CFAP61: variants seen among roughly 807,000 people sequenced by gnomAD.
The protein encoded by CFAP61 is cilia- and flagella-associated protein 61.
In CFAP61, 107 loss-of-function variants were observed where a neutral mutation model predicts 135.6. That is an observed-to-expected ratio of 0.79 (90% CI 0.67 to 0.93). The LOEUF is 0.93. CFAP61 is among the 40% of genes least tolerant of loss of function. The pLI is 0.00. For synonymous variants in CFAP61, 575 were observed against 578.5 expected (o/e 0.99, Z 0.09); for missense variants, 1,507 against 1,556.2 (o/e 0.97, Z 0.53).
chr20:20,252,720 G>T (rs564443645), intron 20 of CFAP61, among the ~76,000 whole-genome samples: 1 of 152,330 alleles, frequency 6.6e-6, no homozygotes, highest in African/African-American at 2.4e-5. Flanking sequence ...GCCTGTGTAT[G>T]ACAGTTTTCC....
intron 8 of CFAP61, among the ~76,000 whole-genome samples, chr20:20,132,338 T>TTTTTG (rs1188703436): frequency 2.0e-5 from 3 of 152,052 alleles, no homozygotes; most frequent in South Asian, 2.1e-4. Flanking sequence ...ATATCCTCGT[T>TTTTTG]TTTTGTTTTG....
At chr20:20,327,821 G>A (rs1252292029) in intron 25 of CFAP61, among the ~76,000 whole-genome samples, 4 of 112 alleles carry the variant, frequency 0.036, no homozygotes, top group African/African-American at 0.094. Context: ...GAAACAGGAG[G>A]CTTTGAGGTC....
At chr20:20,065,351 A>T (rs2045164004) in intron 2 of CFAP61, among the ~76,000 whole-genome samples, 1 of 151,974 alleles carries the variant, frequency 6.6e-6, no homozygotes, top group Non-Finnish European at 1.5e-5. Flanking sequence ...TATCTCAGTA[A>T]TTCCAGCCTT....
intron 20 of CFAP61, among the ~76,000 whole-genome samples, chr20:20,254,835 G>A (rs1287891430): frequency 6.6e-6 from 1 of 152,204 alleles, no homozygotes; most frequent in Non-Finnish European, 1.5e-5. Context: ...CTAAATTGTT[G>A]TGTAATGTTT....
At chr20:20,120,004 C>G (rs1359330152) in intron 8 of CFAP61, among the ~76,000 whole-genome samples, 1 of 152,150 alleles carries the variant, frequency 6.6e-6, no homozygotes, top group African/African-American at 2.4e-5. Flanking sequence ...TGTCTTTATC[C>G]AGTCTACCAT....
intron 18 of CFAP61, among the ~76,000 whole-genome samples, chr20:20,234,630 G>A (rs745946289): frequency 4.6e-5 from 7 of 152,100 alleles, no homozygotes; most frequent in Non-Finnish European, 7.4e-5. Context: ...AGTAGTTTTC[G>A]AAACATAGTC....
At chr20:20,353,132 C>T (rs565541630) in intron 26 of CFAP61, among the ~76,000 whole-genome samples, 36 of 152,260 alleles carry the variant, frequency 2.4e-4, no homozygotes, top group Admixed American at 7.2e-4. Context: ...AACATCCTTT[C>T]GTTGTAACAT....
intron 13 of CFAP61, among the ~76,000 whole-genome samples, chr20:20,174,228 A>G (rs1434763457): frequency 2.0e-5 from 3 of 152,194 alleles, no homozygotes; most frequent in Non-Finnish European, 2.9e-5. Flanking sequence ...CTGAGCCCTC[A>G]TCAGGAACCC....
chr20:20,305,064 A>G (rs2056386276), intron 25 of CFAP61, among the ~76,000 whole-genome samples: 1 of 152,172 alleles, frequency 6.6e-6, no homozygotes, highest in African/African-American at 2.4e-5. Context: ...ACATCTTAAC[A>G]TGCTCAGCTC....
chr20:20,172,722 C>T (rs1378649792), intron 13 of CFAP61, among the ~76,000 whole-genome samples: 1 of 152,164 alleles, frequency 6.6e-6, no homozygotes, highest in African/African-American at 2.4e-5. Flanking sequence ...CACAGACTCT[C>T]GCATCATGAA....
At chr20:20,074,036 G>A in intron 3 of CFAP61, 1 of 471,366 alleles carries the variant, frequency 2.1e-6, no homozygotes. Context: ...ATTCGTGAGG[G>A]CAGGAGGAAG....
intron 26 of CFAP61, among the ~76,000 whole-genome samples, chr20:20,357,324 T>G (rs1302018278): frequency 6.8e-5 from 1 of 14,792 alleles, no homozygotes; most frequent in Admixed American, 4.5e-4. Flanking sequence ...TGAGGGGAGG[T>G]GGTCATACTG....
rs80297563 is a variant in CFAP61, at chr20:20,065,915, A to T, written c.144-4939A>T. Among the ~76,000 whole-genome samples, 280 of 152,334 alleles carry T rather than the reference A, an allele frequency of 1.8e-3. 1 individual carries two copies. Among genetic ancestry groups the T allele is most frequent in the African/African-American group, 6.5e-3 (271 of 41,576 alleles). The stretch of plus-strand genomic sequence containing the variant: ...GGGTGATGGTGTTGTTAAATCAAGC[A>T]GAAAAAGCGAGTGCTGTTTCTCTAT... On this transcript the variant is annotated intron_variant, in intron 2 of 26. Transcript: ENST00000245957.
At chr20:20,106,000 CTATATATATATATATATATATATATATA>C (rs10523115) in intron 8 of CFAP61, among the ~76,000 whole-genome samples, 32,513 of 102,930 alleles carry the variant, frequency 0.32, 5,690 homozygotes, top group South Asian at 0.47. Context: ...CTACTCTTGC[CTATATATATATATATATATATATATATA>C]TATATATATA....
intron 15 of CFAP61, among the ~76,000 whole-genome samples, chr20:20,194,730 T>A (rs1569106149): frequency 6.6e-6 from 1 of 152,186 alleles, no homozygotes; most frequent in South Asian, 2.1e-4. Flanking sequence ...AGTATCTGGC[T>A]TCCCCTTGTG....
At chr20:20,052,687 A>C in intron 1 of CFAP61, 96 bp downstream of exon 1, 1 of 1,612,976 alleles carries the variant, frequency 6.2e-7, no homozygotes, top group Non-Finnish European at 8.5e-7. Context: ...TGGGATGACC[A>C]GGCGAGGACG....
intron 25 of CFAP61, among the ~76,000 whole-genome samples, chr20:20,338,535 G>T (rs1438703180): frequency 6.6e-6 from 1 of 152,226 alleles, no homozygotes; most frequent in Non-Finnish European, 1.5e-5. Context: ...GTTGAGCGCG[G>T]ACCGCCACGC....
chr20:20,136,347 T>G (rs1229596424), intron 8 of CFAP61, among the ~76,000 whole-genome samples: 1 of 152,180 alleles, frequency 6.6e-6, no homozygotes, highest in African/African-American at 2.4e-5. Context: ...TCTCCACCTC[T>G]TCTTTAAGGG....
At chr20:20,182,124 G>T (rs2055145431) in intron 13 of CFAP61, among the ~76,000 whole-genome samples, 1 of 152,014 alleles carries the variant, frequency 6.6e-6, no homozygotes, top group Admixed American at 6.6e-5. Flanking sequence ...AGAAGGTCTT[G>T]GTATCATTTT....
Sources: gnomAD v4.1 joint callset for allele counts (sites outside exome capture counted in the v4.1 genomes callset) on GRCh38, gnomAD v4.1.1 for gene constraint, MANE v1.5 for transcripts, NCBI Gene and HGNC (gene_info 2026-07-23, HGNC 2026-07-21) for gene names.